Variants in TRANK1 observed in about 807,000 individuals in gnomAD.
TRANK1 encodes the protein TPR and ankyrin repeat-containing protein 1.
TRANK1 carries 198 observed loss-of-function variants against 266.0 expected under a neutral mutation model. That is an observed-to-expected ratio of 0.74 (90% CI 0.66 to 0.84). The LOEUF is 0.84. Ranked by LOEUF, TRANK1 falls within the 40% of genes least tolerant of loss-of-function variation. The pLI is 0.00. For synonymous variants in TRANK1, 1,396 were observed against 1,384.1 expected (o/e 1.01, Z -0.19); for missense variants, 3,326 against 3,634.6 (o/e 0.92, Z 2.18).
At chr3:36,865,032 T>G (rs1339704321) in intron 9 of TRANK1, among the ~76,000 whole-genome samples, 2 of 145,424 alleles carry the variant, frequency 1.4e-5, no homozygotes, top group Non-Finnish European at 3.0e-5. Context: ...TGGTTTTTTT[T>G]TTTTTTTTTT....
chr3:36,923,542 C>T (rs2080246564), intron 1 of TRANK1, among the ~76,000 whole-genome samples: 1 of 152,154 alleles, frequency 6.6e-6, no homozygotes, highest in South Asian at 2.1e-4. Flanking sequence ...AGGTGTGAGC[C>T]ACCGCGCCTG....
At chr3:36,871,821 A>T (rs2125570873) in intron 9 of TRANK1, among the ~76,000 whole-genome samples, 1 of 152,310 alleles carries the variant, frequency 6.6e-6, no homozygotes, top group Non-Finnish European at 1.5e-5. Context: ...AAGCAGCTTC[A>T]ATCTCCCTCA....
chr3:36,921,809 T>C (rs1030375935), intron 1 of TRANK1, among the ~76,000 whole-genome samples: 3 of 152,168 alleles, frequency 2.0e-5, no homozygotes, highest in African/African-American at 7.2e-5. Flanking sequence ...CTAGTACATA[T>C]CCTTATTGTT....
chr3:36,870,320 T>C (rs2079287375), intron 9 of TRANK1, among the ~76,000 whole-genome samples: 1 of 151,812 alleles, frequency 6.6e-6, no homozygotes, highest in South Asian at 2.1e-4. Flanking sequence ...GGCAGGAGAA[T>C]CGCTTGGACC....
chr3:36,882,299 T>G (rs959634598), intron 8 of TRANK1, among the ~76,000 whole-genome samples: 1 of 152,196 alleles, frequency 6.6e-6, no homozygotes, highest in Non-Finnish European at 1.5e-5. Context: ...TATCTAAAAT[T>G]TTTAAACTGG....
chr3:36,839,707 G>A (rs183486730), intron 18 of TRANK1, among the ~76,000 whole-genome samples: 2 of 152,300 alleles, frequency 1.3e-5, no homozygotes, highest in African/African-American at 4.8e-5. Context: ...GGAGCAGCTG[G>A]TCTCTCATCT....
chr3:36,888,562 G>C (rs2079640575), intron 8 of TRANK1, among the ~76,000 whole-genome samples: 1 of 152,186 alleles, frequency 6.6e-6, no homozygotes, highest in South Asian at 2.1e-4. Flanking sequence ...CTAGGTCCCA[G>C]TTCAGTGGGA....
chr3:36,857,759 T>G lies in TRANK1; in HGVS notation c.1963A>C (p.Arg655=). 6.2e-7 allele frequency: 1 copy of G among 1,613,998 alleles called. No individual in the cohort carries two copies. Among genetic ancestry groups the G allele is most frequent in the African/African-American group, 1.3e-5 (1 of 75,050 alleles). The part of the protein sequence containing the change: ...WNKALMENRR[R]SRQDSAAHLG... ...TGGGCAGCAGAGTCCTGCCGGCTCC[T>G]CCTCCTGTTCTCCATCAGAGCTTTG... Residue 655 remains arginine, a synonymous_variant, in exon 13 of 24, where the codon AGG becomes CGG. Transcript: ENST00000645898. This position sits in a 1 kb window ranked among gnomAD's most constrained non-coding sequence, Gnocchi z 4.3.
chr3:36,943,521 G>A (rs2080526885), intron 1 of TRANK1, among the ~76,000 whole-genome samples: 1 of 116,178 alleles, frequency 8.6e-6, no homozygotes. Flanking sequence ...CCAACAAAGA[G>A]CATATGAACT....
chr3:36,859,624 A>G (rs2079107391), intron 11 of TRANK1, among the ~76,000 whole-genome samples: 1 of 152,056 alleles, frequency 6.6e-6, no homozygotes, highest in African/African-American at 2.4e-5. Context: ...CCTCTGCATC[A>G]AAGTTCCCCA....
intron 8 of TRANK1, among the ~76,000 whole-genome samples, chr3:36,886,672 G>A (rs1326351084): frequency 1.3e-5 from 2 of 151,924 alleles, no homozygotes; most frequent in African/African-American, 4.8e-5. Flanking sequence ...CAGCACTTTG[G>A]GAGGCTGAGG....
chr3:36,860,302 G>A (rs772268288), intron 11 of TRANK1, among the ~76,000 whole-genome samples: 1 of 152,212 alleles, frequency 6.6e-6, no homozygotes, highest in Non-Finnish European at 1.5e-5. Flanking sequence ...GGCATTAGTG[G>A]AGGTGTGAGG....
intron 2 of TRANK1, among the ~76,000 whole-genome samples, chr3:36,907,017 C>G (rs2079978946): frequency 6.6e-6 from 1 of 152,174 alleles, no homozygotes; most frequent in South Asian, 2.1e-4. Flanking sequence ...TTGCAACAGA[C>G]TGAATACAGA....
intron 17 of TRANK1, among the ~76,000 whole-genome samples, chr3:36,843,692 T>C (rs1228789783): frequency 6.6e-6 from 1 of 150,816 alleles, no homozygotes; most frequent in Non-Finnish European, 1.5e-5. Flanking sequence ...AATACCAGGG[T>C]AATACTGGCA....
chr3:36,932,221 G>A (rs2080369707), intron 1 of TRANK1, among the ~76,000 whole-genome samples: 1 of 152,214 alleles, frequency 6.6e-6, no homozygotes, highest in African/African-American at 2.4e-5. Context: ...TATGCGTAGA[G>A]ATTCACTGAC....
chr3:36,923,977 G>T (rs927819299), intron 1 of TRANK1, among the ~76,000 whole-genome samples: 77 of 152,332 alleles, frequency 5.1e-4, no homozygotes, highest in African/African-American at 1.7e-3. Context: ...GGCAGCAGAA[G>T]CTCATCCAGA....
At chr3:36,852,775 TAAAAAAAAA>T (rs761417309) in intron 13 of TRANK1, among the ~76,000 whole-genome samples, 2 of 120,222 alleles carry the variant, frequency 1.7e-5, no homozygotes, top group African/African-American at 6.5e-5. Context: ...CCATCTCAAT[TAAAAAAAAA>T]AAAAAAAAAA....
intron 1 of TRANK1, among the ~76,000 whole-genome samples, chr3:36,916,669 A>T (rs1186300741): frequency 6.6e-6 from 1 of 152,258 alleles, no homozygotes; most frequent in Admixed American, 6.5e-5. Context: ...GCAGCCAATA[A>T]GAGTTCCTGA....
At chr3:36,839,140 G>T (rs920560781) in intron 18 of TRANK1, among the ~76,000 whole-genome samples, 1 of 152,142 alleles carries the variant, frequency 6.6e-6, no homozygotes, top group Non-Finnish European at 1.5e-5. Flanking sequence ...CAGCTACTTT[G>T]CAGTGTTGGC....
Sources: gnomAD v4.1 joint callset for allele counts (sites outside exome capture counted in the v4.1 genomes callset) on GRCh38, gnomAD v4.1.1 for gene constraint, Gnocchi (gnomAD v3.1) non-coding constraint, MANE v1.5 for transcripts, NCBI Gene and HGNC (gene_info 2026-07-23, HGNC 2026-07-21) for gene names.